Variants in OSBPL6 observed in about 807,000 individuals in gnomAD.
OSBPL6 encodes the protein oxysterol-binding protein-related protein 6.
OSBPL6 carries 49 observed loss-of-function variants against 125.8 expected under a neutral mutation model. That is an observed-to-expected ratio of 0.39 (90% confidence interval 0.31 to 0.49). The LOEUF is 0.49. Among genes scored for constraint, OSBPL6 ranks in the 20% least tolerant of loss-of-function variants. The probability of loss-of-function intolerance (pLI) is 0.88; values close to 1 mark genes in which losing one functional copy is unlikely to be tolerated. For missense variants in OSBPL6, 986 were observed against 1,135.4 expected (o/e 0.87, Z 1.89); for synonymous variants, 394 against 391.8 (o/e 1.01, Z -0.07).
intron 1 of OSBPL6, among the ~76,000 whole-genome samples, chr2:178,224,928 C>G (rs182293366): frequency 6.0e-4 from 92 of 152,220 alleles, no homozygotes; most frequent in Non-Finnish European, 1.2e-3. Context: ...GAGCAAGACC[C>G]TGTCTGAAAA....
chr2:178,359,149 A>G (rs995097363), intron 12 of OSBPL6, among the ~76,000 whole-genome samples: 1 of 152,202 alleles, frequency 6.6e-6, no homozygotes, highest in Non-Finnish European at 1.5e-5. Context: ...GCACTCCACA[A>G]TAGACAACAG....
At chr2:178,224,433 A>AT (rs2090467488) in intron 1 of OSBPL6, among the ~76,000 whole-genome samples, 2 of 152,190 alleles carry the variant, frequency 1.3e-5, no homozygotes, top group South Asian at 4.1e-4. Flanking sequence ...CAATGAAAAT[A>AT]TTTTTTCACT....
chr2:178,214,466 G>A (rs188376456), intron 1 of OSBPL6, among the ~76,000 whole-genome samples: 7 of 152,288 alleles, frequency 4.6e-5, no homozygotes, highest in African/African-American at 7.2e-5. Context: ...AAATCAATCC[G>A]TAGGACAGGC....
chr2:178,385,399 G>A, intron 18 of OSBPL6, 59 bp from the exon 19 acceptor site: 1 of 1,201,668 alleles, frequency 8.3e-7, no homozygotes, highest in African/African-American at 1.5e-5. Context: ...TAAGAGAAAT[G>A]GATGACCATG....
chr2:178,236,978 G>A (rs2091078297), intron 1 of OSBPL6, among the ~76,000 whole-genome samples: 1 of 152,026 alleles, frequency 6.6e-6, no homozygotes, highest in African/African-American at 2.4e-5. Flanking sequence ...TAATTCAGCT[G>A]GACTGTCTAG....
intron 1 of OSBPL6, among the ~76,000 whole-genome samples, chr2:178,277,519 CA>C (rs1419941215): frequency 2.0e-5 from 3 of 151,934 alleles, no homozygotes; most frequent in African/African-American, 4.8e-5. Flanking sequence ...TATATGCAAA[CA>C]AAAAAATCTG....
chr2:178,391,239 T>C, intron 22 of OSBPL6, 22 bp downstream of exon 22: 2 of 1,576,546 alleles, frequency 1.3e-6, no homozygotes, highest in Non-Finnish European at 1.7e-6. Flanking sequence ...CTGAGTGTTC[T>C]GCCAACAGGA....
rs749569716 is a variant in OSBPL6, at chr2:178,387,028, A to G, written c.2078-33A>G. On this transcript the variant is annotated intron_variant, in intron 19 of 24. Coordinates refer to ENST00000190611, the MANE Select transcript of OSBPL6 (RefSeq NM_032523.4). ...TAGAAGAGGTGATTAGATATGGGGTATGTATTTCTTGTCCTCTCCCTATGT... is the reference window on the plus strand; with the variant it reads ...TAGAAGAGGTGATTAGATATGGGGTGTGTATTTCTTGTCCTCTCCCTATGT... 44 of 1,400,988 alleles carry G rather than the reference A, an allele frequency of 3.1e-5. 1 individual carries two copies. The highest frequency in any genetic ancestry group is 4.3e-5 in the Non-Finnish European group (43 of 989,322). 86.8% of individuals were successfully genotyped at this position (1,400,988 alleles called of 1,614,324 possible). A position where few individuals can be genotyped will look rare whatever the true frequency, so the allele number is the denominator to read the frequency against.
intron 21 of OSBPL6, 145 bp from the exon 22 acceptor site, chr2:178,390,928 C>A: frequency 1.0e-6 from 1 of 983,580 alleles, no homozygotes. Flanking sequence ...GCCAGCCCTC[C>A]ATATAAAACG....
At chr2:178,237,683 T>G (rs2091114216) in intron 1 of OSBPL6, among the ~76,000 whole-genome samples, 1 of 152,194 alleles carries the variant, frequency 6.6e-6, no homozygotes, top group Non-Finnish European at 1.5e-5. Flanking sequence ...TTGCAGGATG[T>G]TCAGCAGCAA....
chr2:178,207,321 C>A (rs1488540135), intron 1 of OSBPL6, among the ~76,000 whole-genome samples: 2 of 152,164 alleles, frequency 1.3e-5, no homozygotes, highest in East Asian at 3.9e-4. Context: ...TGTGTGTCTT[C>A]TCCTTTTCTT....
intron 1 of OSBPL6, among the ~76,000 whole-genome samples, chr2:178,217,531 A>G (rs1013652081): frequency 6.6e-6 from 1 of 152,204 alleles, no homozygotes; most frequent in African/African-American, 2.4e-5. Context: ...GAAGAGAAAG[A>G]GAAACAGCTC....
chr2:178,323,931 C>G (rs1207246979), intron 3 of OSBPL6, among the ~76,000 whole-genome samples: 2 of 152,102 alleles, frequency 1.3e-5, no homozygotes, highest in Non-Finnish European at 2.9e-5. Flanking sequence ...GAGAGATATT[C>G]CTCTGACTCT....
intron 1 of OSBPL6, among the ~76,000 whole-genome samples, chr2:178,226,197 C>T (rs2090554486): frequency 2.0e-5 from 3 of 152,134 alleles, no homozygotes; most frequent in Non-Finnish European, 4.4e-5. Context: ...ATAGATACTT[C>T]GTTTCTTCTG....
intron 2 of OSBPL6, among the ~76,000 whole-genome samples, chr2:178,293,103 G>T (rs898010006): frequency 1.3e-5 from 2 of 151,834 alleles, no homozygotes; most frequent in African/African-American, 2.4e-5. Flanking sequence ...AGGAAGTCTC[G>T]GGTAAAGGGT....
intron 21 of OSBPL6, 117 bp downstream of exon 21, chr2:178,389,270 C>T (rs1008569111): frequency 4.7e-5 from 48 of 1,013,684 alleles, no homozygotes; most frequent in Middle Eastern, 2.8e-4. Context: ...TTGGTCCTTA[C>T]GGACATTTTA....
chr2:178,346,092 T>C (rs1190292651), intron 11 of OSBPL6, among the ~76,000 whole-genome samples: 1 of 152,200 alleles, frequency 6.6e-6, no homozygotes, highest in Non-Finnish European at 1.5e-5. Context: ...TAGCTTTGTC[T>C]CCATACCAAA....
chr2:178,342,507 T>C (rs1690305877), intron 11 of OSBPL6, among the ~76,000 whole-genome samples: 1 of 152,210 alleles, frequency 6.6e-6, no homozygotes, highest in Non-Finnish European at 1.5e-5. Context: ...TCTAGACTGG[T>C]ATGGCCATGT....
chr2:178,251,309 G>A (rs999677128), intron 1 of OSBPL6, among the ~76,000 whole-genome samples: 5 of 151,560 alleles, frequency 3.3e-5, no homozygotes, highest in Admixed American at 6.6e-5. Context: ...TCGGTAAGCC[G>A]TCTACTCTGT....
Sources: allele counts gnomAD v4.1 joint callset (sites outside exome capture counted in the v4.1 genomes callset), GRCh38; gene constraint gnomAD v4.1.1; transcripts MANE v1.5; gene names NCBI Gene and HGNC (gene_info 2026-07-23, HGNC 2026-07-21).